KCNN2: variants seen among roughly 807,000 people sequenced by gnomAD.
KCNN2 encodes potassium calcium-activated channel subfamily N member 2, also known as small conductance calcium-activated potassium channel protein 2.
KCNN2 carries 24 observed loss-of-function variants against 55.5 expected under a neutral mutation model. The observed-to-expected ratio is 0.43, with a 90% CI of 0.31 to 0.61. The LOEUF (loss-of-function observed/expected upper bound fraction) is 0.61. Ranked by LOEUF, KCNN2 falls within the 20% of genes least tolerant of loss-of-function variation. The pLI is 0.08. For missense variants in KCNN2, 754 were observed against 853.6 expected, an observed-to-expected ratio of 0.88 and a Z score of 1.45; for synonymous variants, 431 against 336.1, an observed-to-expected ratio of 1.28 and a Z score of -3.09.
intron 4 of KCNN2, among the ~76,000 whole-genome samples, chr5:114,471,498 G>T (rs1366325988): frequency 2.0e-5 from 3 of 152,130 alleles, no homozygotes; most frequent in Non-Finnish European, 4.4e-5. Context: ...GGAACCCATG[G>T]ATATAGAGAT....
At chr5:114,403,749 T>G (rs1217004249) in intron 2 of KCNN2, among the ~76,000 whole-genome samples, 2 of 152,352 alleles carry the variant, frequency 1.3e-5, no homozygotes, top group African/African-American at 4.8e-5. Context: ...TTTTGTTTGT[T>G]TTCATTGATT....
At chr5:114,157,238 G>A (rs1752655568) in intron 1 of KCNN2, among the ~76,000 whole-genome samples, 1 of 145,876 alleles carries the variant, frequency 6.9e-6, no homozygotes, top group Non-Finnish European at 1.5e-5. Context: ...TCCCACCTAT[G>A]AGTGAGAACA....
At chr5:114,131,250 A>T (rs112993509) in intron 1 of KCNN2, among the ~76,000 whole-genome samples, 23,203 of 152,052 alleles carry the variant, frequency 0.15, 1,904 homozygotes, top group African/African-American at 0.19. Flanking sequence ...AAGCCCTGCA[A>T]GCATTAGCTG....
chr5:114,109,679 A>G (rs1251461040), intron 1 of KCNN2, among the ~76,000 whole-genome samples: 1 of 152,052 alleles, frequency 6.6e-6, no homozygotes, highest in Non-Finnish European at 1.5e-5. Flanking sequence ...ATGTGGAGAA[A>G]GTCCAATTAC....
intron 2 of KCNN2, among the ~76,000 whole-genome samples, chr5:114,248,989 C>G (rs1754804637): frequency 6.6e-6 from 1 of 152,138 alleles, no homozygotes; most frequent in African/African-American, 2.4e-5. Flanking sequence ...GTAAAAACTG[C>G]AATGAATGAT....
At position 114,486,718 on chromosome 5, in the gene KCNN2, CA is replaced by C. The variant is rs370838139; in HGVS notation, c.1891-330del. Reference sequence around the variant, plus strand: ...TGCAGGGAAAGGAAGATCATGGAGACAACAATTGCAATACACGGTGGAGAAC... The same window carrying C: ...TGCAGGGAAAGGAAGATCATGGAGACACAATTGCAATACACGGTGGAGAAC... On this transcript the variant is annotated intron_variant, in intron 5 of 7. Transcript: ENST00000673685. 2.8e-4 allele frequency: 365 copies of C among 1,286,980 alleles called. 2 individuals are homozygous for C. The African/African-American group carries it at 5.4e-3, about 19-fold the overall frequency. 79.7% of individuals were successfully genotyped at this position (1,286,980 alleles called of 1,614,324 possible). A position where few individuals can be genotyped will look rare whatever the true frequency, so the allele number is the denominator to read the frequency against.
chr5:114,165,826 G>T (rs114646441), intron 1 of KCNN2, among the ~76,000 whole-genome samples: 4,702 of 152,138 alleles, frequency 0.031, 257 homozygotes, highest in African/African-American at 0.11. Flanking sequence ...AACAGTAGGC[G>T]ATTAGTAGTT....
At chr5:114,103,017 T>A (rs1357235365) in intron 1 of KCNN2, among the ~76,000 whole-genome samples, 1 of 152,188 alleles carries the variant, frequency 6.6e-6, no homozygotes, top group Non-Finnish European at 1.5e-5. Flanking sequence ...AATCTATAGA[T>A]TACTTTGGGC....
At chr5:114,361,536 G>A (rs1419194933), upstream of KCNN2, among the ~76,000 whole-genome samples, 6 of 152,312 alleles carry the variant, frequency 3.9e-5, no homozygotes, top group East Asian at 1.2e-3. Flanking sequence ...GCCCACTCTC[G>A]GCGGGATGAT....
chr5:114,279,155 A>G (rs1755565109), intron 2 of KCNN2, among the ~76,000 whole-genome samples: 1 of 152,108 alleles, frequency 6.6e-6, no homozygotes, highest in African/African-American at 2.4e-5. Context: ...GTTTGCTAAT[A>G]CCTTAGAGTC....
intron 6 of KCNN2, among the ~76,000 whole-genome samples, chr5:114,489,810 A>G (rs762059844): frequency 2.6e-5 from 4 of 152,082 alleles, no homozygotes; most frequent in African/African-American, 9.7e-5. Context: ...ATCCAGTGAG[A>G]CCCTCGGCCT....
chr5:114,414,103 C>A (rs1759222597), intron 3 of KCNN2, among the ~76,000 whole-genome samples: 1 of 152,022 alleles, frequency 6.6e-6, no homozygotes, highest in African/African-American at 2.4e-5. Flanking sequence ...GCTGGATTTT[C>A]TGCATTGTAT....
intron 1 of KCNN2, among the ~76,000 whole-genome samples, chr5:114,201,910 T>A (rs2112572805): frequency 6.6e-6 from 1 of 150,574 alleles, no homozygotes; most frequent in East Asian, 2.0e-4. Context: ...CACTCAGCAT[T>A]GAACTCTCAA....
At chr5:114,135,152 G>A (rs1382575803) in intron 1 of KCNN2, among the ~76,000 whole-genome samples, 2 of 151,880 alleles carry the variant, frequency 1.3e-5, no homozygotes, top group African/African-American at 4.8e-5. Flanking sequence ...GAAGAAACAC[G>A]GCACCCTAAT....
At chr5:114,175,522 C>G (rs1025585862) in intron 1 of KCNN2, among the ~76,000 whole-genome samples, 1 of 151,848 alleles carries the variant, frequency 6.6e-6, no homozygotes, top group African/African-American at 2.4e-5. Flanking sequence ...TTGATATACT[C>G]AAAGAGAAAG....
intron 1 of KCNN2, among the ~76,000 whole-genome samples, chr5:114,158,467 G>A (rs1047678979): frequency 6.6e-6 from 1 of 152,058 alleles, no homozygotes; most frequent in East Asian, 1.9e-4. Context: ...TTTGGCTTAG[G>A]ATTGACTTGG....
intron 2 of KCNN2, among the ~76,000 whole-genome samples, chr5:114,374,439 T>G (rs1757874863): frequency 6.6e-6 from 1 of 152,166 alleles, no homozygotes; most frequent in Admixed American, 6.5e-5. Context: ...TGCTTTTTTC[T>G]TTTTCTGGAC....
intron 3 of KCNN2, among the ~76,000 whole-genome samples, chr5:114,405,788 G>T (rs1318579158): frequency 6.6e-6 from 1 of 151,342 alleles, no homozygotes; most frequent in African/African-American, 2.4e-5. Context: ...TCGGCTCACT[G>T]CAAGCTCTGC....
chr5:114,075,289 G>A (rs1362543439), intron 1 of KCNN2, among the ~76,000 whole-genome samples: 3 of 152,176 alleles, frequency 2.0e-5, no homozygotes, highest in African/African-American at 7.2e-5. Flanking sequence ...TTTTGGCAGG[G>A]CAAGAATAAT....
Sources: gnomAD v4.1 joint callset for allele counts (sites outside exome capture counted in the v4.1 genomes callset) on GRCh38, gnomAD v4.1.1 for gene constraint, MANE v1.5 for transcripts, NCBI Gene and HGNC (gene_info 2026-07-23, HGNC 2026-07-21) for gene names.